The following FAM168B variants were observed in gnomAD, a reference collection of about 807,000 sequenced individuals.
FAM168B encodes myelin-associated neurite-outgrowth inhibitor.
A neutral mutation model predicts 21.8 loss-of-function variants in FAM168B; 19 were observed. The observed-to-expected ratio is 0.87, with a 90% CI of 0.61 to 1.28. The LOEUF (loss-of-function observed/expected upper bound fraction) is 1.28, where lower values mean the gene tolerates loss of function less well. Ranked by LOEUF, FAM168B falls within the 50% of genes most tolerant of loss-of-function variation. FAM168B has a pLI of 0.00. For missense variants in FAM168B, 233 were observed against 263.1 expected, an observed-to-expected ratio of 0.89 and a Z score of 0.79; for synonymous variants, 126 against 104.8, an observed-to-expected ratio of 1.20 and a Z score of -1.24.
intron 1 of FAM168B, among the ~76,000 whole-genome samples, chr2:131,091,508 G>A (rs1296307286): frequency 2.7e-5 from 4 of 146,236 alleles, no homozygotes; most frequent in Non-Finnish European, 6.0e-5. Context: ...TTAGCTGGGC[G>A]CAGTGGTGTG....
In FAM168B at chr2:131,049,445, A is replaced by G; in HGVS notation, c.*3020T>C. On this transcript the variant is annotated 3_prime_UTR_variant, in exon 7 of 7. Coordinates refer to ENST00000389915, the MANE Select transcript of FAM168B (RefSeq NM_001009993.4). ...TTAACAGATGGCTCACGAGAGACATAAAAGGTTCTGGAAGTGCCTTCAGGC... is the reference window on the plus strand; with the variant it reads ...TTAACAGATGGCTCACGAGAGACATGAAAGGTTCTGGAAGTGCCTTCAGGC... 2 of 985,438 alleles carry G rather than the reference A, an allele frequency of 2.0e-6. No individual in the cohort carries two copies. Among genetic ancestry groups the G allele is most frequent in the Non-Finnish European group, 2.4e-6 (2 of 829,948 alleles). 61.0% of individuals were successfully genotyped at this position (985,438 alleles called of 1,614,324 possible).
chr2:131,080,881 A>T (rs1217654428), intron 2 of FAM168B, among the ~76,000 whole-genome samples: 1 of 151,752 alleles, frequency 6.6e-6, no homozygotes. Flanking sequence ...AGTGTTAGCC[A>T]GGATGGTCTC....
intron 2 of FAM168B, among the ~76,000 whole-genome samples, chr2:131,074,307 T>C (rs1693027617): frequency 6.6e-6 from 1 of 152,206 alleles, no homozygotes; most frequent in African/African-American, 2.4e-5. Context: ...GTTTGTATTT[T>C]TAGTAGAGAC....
chr2:131,060,266 C>T (rs764728642), intron 3 of FAM168B, among the ~76,000 whole-genome samples: 47 of 152,106 alleles, frequency 3.1e-4, no homozygotes, highest in Non-Finnish European at 4.4e-4. Context: ...CCTCGTGATC[C>T]GCCTGCCTTG....
chr2:131,086,280 T>C (rs1693695276), intron 1 of FAM168B, among the ~76,000 whole-genome samples: 1 of 152,192 alleles, frequency 6.6e-6, no homozygotes, highest in African/African-American at 2.4e-5. Flanking sequence ...TAATTTTTAT[T>C]TCTTAATTGA....
intron 1 of FAM168B, among the ~76,000 whole-genome samples, chr2:131,085,950 A>C (rs543987652): frequency 6.6e-6 from 1 of 152,212 alleles, no homozygotes; most frequent in Admixed American, 6.5e-5. Context: ...TAACTTCAAC[A>C]TAAGTAGTCA....
At chr2:131,082,757 G>T in intron 1 of FAM168B, 100 bp from the exon 2 acceptor site, 1 of 703,808 alleles carries the variant, frequency 1.4e-6, no homozygotes, top group South Asian at 1.9e-5. Context: ...CTTTCTCTAG[G>T]CTGCTATAAA....
intron 3 of FAM168B, among the ~76,000 whole-genome samples, chr2:131,067,110 G>C (rs1469660086): frequency 6.6e-6 from 1 of 152,098 alleles, no homozygotes; most frequent in Non-Finnish European, 1.5e-5. Context: ...GGTCCCTCCA[G>C]TGACATGTGG....
intron 3 of FAM168B, among the ~76,000 whole-genome samples, chr2:131,067,723 TCACACA>T (rs141270322): frequency 1.3e-5 from 2 of 149,440 alleles, no homozygotes; most frequent in African/African-American, 4.9e-5. Flanking sequence ...CCTATCACAC[TCACACA>T]CACACACACA....
At chr2:131,062,571 C>CCACT (rs896340548) in intron 3 of FAM168B, among the ~76,000 whole-genome samples, 2 of 152,178 alleles carry the variant, frequency 1.3e-5, no homozygotes, top group African/African-American at 4.8e-5. Context: ...CCTCAGCCTC[C>CCACT]CGAGTAGCTG....
intron 2 of FAM168B, among the ~76,000 whole-genome samples, chr2:131,073,678 C>T (rs1168594920): frequency 1.3e-5 from 2 of 152,202 alleles, no homozygotes; most frequent in Non-Finnish European, 2.9e-5. Context: ...TCCCTAACCT[C>T]CAGAACCAAG....
chr2:131,068,753 C>A (rs1197888187), intron 3 of FAM168B, among the ~76,000 whole-genome samples: 1 of 152,164 alleles, frequency 6.6e-6, no homozygotes, highest in Admixed American at 6.5e-5. Flanking sequence ...TGGTAGCTCA[C>A]GGCTATAATC....
At chr2:131,088,994 T>A (rs964772715) in intron 1 of FAM168B, among the ~76,000 whole-genome samples, 2 of 151,828 alleles carry the variant, frequency 1.3e-5, no homozygotes, top group African/African-American at 4.8e-5. Flanking sequence ...AGACAGAGTT[T>A]TCACTTTTGT....
intron 1 of FAM168B, among the ~76,000 whole-genome samples, chr2:131,087,793 G>C: frequency 6.6e-6 from 1 of 152,154 alleles, no homozygotes; most frequent in East Asian, 1.9e-4. Flanking sequence ...ACATACCCAA[G>C]AGAAGTGAAA....
At position 131,050,057 on chromosome 2, in the gene FAM168B, C is replaced by A. The variant is rs1254321705; in HGVS notation, c.*2408G>T. 7 of 985,324 alleles carry A rather than the reference C, an allele frequency of 7.1e-6. No individual in the cohort carries two copies. Among genetic ancestry groups the A allele is most frequent in the Non-Finnish European group, 7.2e-6 (6 of 829,946 alleles). The allele number at this position is 985,324 out of a possible 1,614,324, so 61.0% of individuals were successfully genotyped here. A position where few individuals can be genotyped will look rare whatever the true frequency, so the allele number is the denominator to read the frequency against. On this transcript the variant is annotated 3_prime_UTR_variant, in exon 7 of 7. Coordinates refer to ENST00000389915, the MANE Select transcript of FAM168B (RefSeq NM_001009993.4). ...AAACTTATTTCATAAAGCCTCTCAA[C>A]TTCATAAAAGGGAAAAAAGGTTAAG...
chr2:131,054,580 AACAGTACGCTTT>A (rs1028258182), intron 5 of FAM168B, among the ~76,000 whole-genome samples: 12 of 152,230 alleles, frequency 7.9e-5, no homozygotes, highest in Non-Finnish European at 1.5e-4. Flanking sequence ...ACAAGGAGGG[AACAGTACGCTTT>A]TGTGTGGGCA....
chr2:131,048,460 G>C lies in FAM168B; in HGVS notation c.*4005C>G. On this transcript the variant is annotated 3_prime_UTR_variant, in exon 7 of 7. Transcript: ENST00000389915. Reference sequence around the variant, plus strand: ...CATCCTCTGTCTCCCCTTCCCAAGTGACTTCACTTCAGTCCTGTGGACCAA... The same window carrying C: ...CATCCTCTGTCTCCCCTTCCCAAGTCACTTCACTTCAGTCCTGTGGACCAA... The C allele has an allele frequency of 8.4e-7, 1 of 1,188,716 alleles. No homozygotes were observed. Among genetic ancestry groups the C allele is most frequent in the Non-Finnish European group, 1.1e-6 (1 of 928,000 alleles). 73.6% of individuals were successfully genotyped at this position (1,188,716 alleles called of 1,614,324 possible).
intron 3 of FAM168B, among the ~76,000 whole-genome samples, chr2:131,071,272 C>A (rs371136112): frequency 6.5e-4 from 99 of 152,158 alleles, no homozygotes; most frequent in African/African-American, 2.3e-3. Flanking sequence ...ACCACTGCTG[C>A]GGCAGAAAGG....
Position 131,050,877 on chromosome 2 carries a change from T to A in FAM168B, c.*1588A>T, listed in dbSNP as rs376151537. The stretch of plus-strand genomic sequence containing the variant: ...ACTGCACTGGGAAGAAGACGCACGC[T>A]CCTGCCCTAGAGGCCGCTGAAAGGG... On this transcript the variant is annotated 3_prime_UTR_variant, in exon 7 of 7. Coordinates refer to ENST00000389915, the MANE Select transcript of FAM168B (RefSeq NM_001009993.4). The A allele has an allele frequency of 2.0e-6, 2 of 985,598 alleles. No homozygotes were observed. The highest frequency in any genetic ancestry group is 4.7e-5 in the South Asian group (1 of 21,282). The allele number at this position is 985,598 out of a possible 1,614,324, so 61.1% of individuals were successfully genotyped here.
Sources: gnomAD v4.1 joint callset for allele counts (sites outside exome capture counted in the v4.1 genomes callset) on GRCh38, gnomAD v4.1.1 for gene constraint, MANE v1.5 for transcripts, NCBI Gene and HGNC (gene_info 2026-07-23, HGNC 2026-07-21) for gene names.